SP140L: variants seen among roughly 807,000 people sequenced by gnomAD.
SP140L encodes nuclear body protein SP140-like protein.
In SP140L, 64 loss-of-function variants were observed where a neutral mutation model predicts 84.3. The ratio of observed to expected loss-of-function variants is 0.76; its 90% CI spans 0.62 to 0.94. The LOEUF (loss-of-function observed/expected upper bound fraction) is 0.94, where lower values mean the gene tolerates loss of function less well. SP140L is among the 40% of genes least tolerant of loss of function. The pLI is 0.00. For synonymous variants in SP140L, 242 were observed against 236.9 expected (o/e 1.02, Z -0.20); for missense variants, 628 against 692.5 (o/e 0.91, Z 1.05).
chr2:230,369,937 C>A (rs1309424452), intron 5 of SP140L, among the ~76,000 whole-genome samples: 3 of 151,784 alleles, frequency 2.0e-5, no homozygotes, highest in Non-Finnish European at 4.4e-5. Flanking sequence ...CCACACCCAG[C>A]TAATTTTTGT....
At position 230,400,110 on chromosome 2, in the gene SP140L, A is replaced by G. The variant is rs1559465511; in HGVS notation, c.1198-17A>G. The G allele has an allele frequency of 3.7e-6, 6 of 1,613,542 alleles. No homozygotes were observed. The highest frequency in any genetic ancestry group is 3.4e-4 in the Middle Eastern group (2 of 5,914). ...TCTTGTGATTCCCAGTGACGTGGAC[A>G]CTGTTTTACCTTCTAGATGAGAAAC... On this transcript the variant is annotated splice_polypyrimidine_tract_variant and intron_variant, in intron 14 of 18. Coordinates refer to ENST00000415673, the MANE Select transcript of SP140L (RefSeq NM_138402.6).
At chr2:230,373,301 G>T (rs976016976) in intron 7 of SP140L, among the ~76,000 whole-genome samples, 11 of 152,218 alleles carry the variant, frequency 7.2e-5, no homozygotes, top group Non-Finnish European at 1.2e-4. Flanking sequence ...ATTGAAAGAA[G>T]ATTCTGTCTA....
rs542489457 is a variant in SP140L at position 230,392,127 on chromosome 2, G to T, written c.1005G>T (p.Trp335Cys). 3 of 1,613,976 alleles carry T rather than the reference G, an allele frequency of 1.9e-6. No individual in the cohort carries two copies. The highest frequency in any genetic ancestry group is 2.7e-5 in the African/African-American group (2 of 75,010). The change falls in exon 12 of 19, where the codon TGG becomes TGT. Residue 335 changes from tryptophan (W) to cysteine (C), a missense_variant. Trp to Cys is a radical substitution (Grantham distance 215, BLOSUM62 -2). Around this residue, in one of 4 missense-constraint regions of SP140L, gnomAD observed 525 missense variants for 518.4 expected, o/e 1.01. Transcript: ENST00000415673. ...AKCIQTEDGK[W>C]FTPMEFEIKG... ...GTATACAGACTGAGGATGGAAAATG[G>T]TTCACCCCCATGGAATTTGAAATCA...
intron 2 of SP140L, among the ~76,000 whole-genome samples, chr2:230,329,987 T>C (rs972648376): frequency 2.0e-5 from 3 of 152,226 alleles, no homozygotes; most frequent in Admixed American, 6.5e-5. Context: ...TTTTGTGCAA[T>C]GTTAAGAACT....
Position 230,385,393 on chromosome 2 carries a change from C to G in SP140L, c.784+89C>G. The G allele has an allele frequency of 2.5e-6, 3 of 1,216,688 alleles. No individual in the cohort carries two copies. The South Asian group carries it at 4.2e-5, about 17-fold the overall frequency. The allele number at this position is 1,216,688 out of a possible 1,614,324, so 75.4% of individuals were successfully genotyped here. ...AGGAGCCTAGAAGCTTTATTGTTTA[C>G]TAGTCAAACTTAGTCAATTTCAGAG... On this transcript the variant is annotated intron_variant, in intron 9 of 18. Transcript: ENST00000415673.
intron 7 of SP140L, among the ~76,000 whole-genome samples, chr2:230,381,892 G>A (rs1461626906): frequency 6.6e-6 from 1 of 152,196 alleles, no homozygotes; most frequent in Non-Finnish European, 1.5e-5. Flanking sequence ...AATCCCCAGA[G>A]CACACAAGGT....
intron 5 of SP140L, among the ~76,000 whole-genome samples, chr2:230,367,192 T>C (rs9653380): frequency 0.27 from 40,760 of 152,022 alleles, 7,716 homozygotes; most frequent in East Asian, 0.6. Context: ...ATAGTTATAA[T>C]AGGCTGTTTT....
rs1267838121 is a variant in SP140L, at chr2:230,361,638, A to G, written c.464A>G (p.Gln155Arg). 14 of 1,561,622 alleles carry G rather than the reference A, an allele frequency of 9.0e-6. No homozygotes were observed. Among genetic ancestry groups the G allele is most frequent in the Admixed American group, 1.9e-5 (1 of 52,232 alleles). The change falls in exon 5 of 19, where the codon CAA (glutamine) becomes CGA (arginine). Residue 155 changes from glutamine (Q) to arginine (R), a missense_variant. Gln to Arg is a conservative substitution (Grantham distance 43). Coordinates refer to ENST00000415673, the MANE Select transcript of SP140L (RefSeq NM_138402.6). ...KNAIQDKLSF[Q>R]ESDRKEREER... is the part of the protein sequence containing the mutation. ...GCAATCCAAGACAAATTGTCTTTCCAAGAAAGTGATCGAAAAGAAAGGGAA... is the reference window on the plus strand; with the variant it reads ...GCAATCCAAGACAAATTGTCTTTCCGAGAAAGTGATCGAAAAGAAAGGGAA...
In SP140L at chr2:230,370,954, A is replaced by T; in HGVS notation, c.570A>T (p.Ala190=). The T allele has an allele frequency of 1.2e-6, 2 of 1,613,832 alleles. No individual in the cohort carries two copies. The highest frequency in any genetic ancestry group is 1.7e-6 in the Non-Finnish European group (2 of 1,179,852). The part of the protein sequence containing the change: ...SPEARKESDQ[A]CGKMDTVDIA... ...AAGCAAGGAAGGAAAGTGACCAAGC[A>T]TGTGGCAAAATGGGTAAGGCTGCCT... The change falls in exon 6 of 19, where the codon GCA becomes GCT. Residue 190 remains alanine (A), a synonymous_variant. Transcript: ENST00000415673.
intron 5 of SP140L, among the ~76,000 whole-genome samples, chr2:230,368,988 G>A (rs60642250): frequency 0.074 from 11,212 of 152,162 alleles, 700 homozygotes; most frequent in South Asian, 0.22. Context: ...AGATTATTGT[G>A]TCTTTTTGAT....
intron 2 of SP140L, among the ~76,000 whole-genome samples, chr2:230,354,910 A>AAGGAAG (rs2060492915): frequency 1.5e-5 from 2 of 136,824 alleles, no homozygotes; most frequent in East Asian, 5.2e-4. Context: ...AAGAGAAAGA[A>AAGGAAG]GAAAGAAAAA....
chr2:230,402,395 A>G (rs1010809661), intron 18 of SP140L, among the ~76,000 whole-genome samples: 4 of 152,362 alleles, frequency 2.6e-5, no homozygotes, highest in Admixed American at 1.3e-4. Flanking sequence ...CCCTGTTAAT[A>G]AGAAAGGATC....
At chr2:230,373,896 A>G (rs888141218) in intron 7 of SP140L, among the ~76,000 whole-genome samples, 1 of 152,242 alleles carries the variant, frequency 6.6e-6, no homozygotes, top group African/African-American at 2.4e-5. Flanking sequence ...TCATGAGAGG[A>G]GGTCAAAATA....
chr2:230,368,899 T>C (rs1344617797), intron 5 of SP140L, among the ~76,000 whole-genome samples: 1 of 152,230 alleles, frequency 6.6e-6, no homozygotes, highest in Non-Finnish European at 1.5e-5. Context: ...TGAAGTTTGC[T>C]GAGATTCCTT....
At chr2:230,395,447 G>A (rs774946664) in intron 13 of SP140L, among the ~76,000 whole-genome samples, 3 of 152,212 alleles carry the variant, frequency 2.0e-5, no homozygotes, top group Middle Eastern at 3.4e-3. Context: ...AGGCATTGTG[G>A]TGCATACCTG....
intron 7 of SP140L, among the ~76,000 whole-genome samples, chr2:230,377,796 C>T (rs553598873): frequency 6.6e-6 from 1 of 152,292 alleles, no homozygotes; most frequent in South Asian, 2.1e-4. Flanking sequence ...CACATACTCA[C>T]CAATACTTGA....
Position 230,354,517 on chromosome 2 carries a change from C to T in SP140L, c.108-3288C>T, listed in dbSNP as rs914923935. Reference sequence around the variant, plus strand: ...GCACAGTGGCTAACAGCTGTGATCCCAATTCTTTGGGAGGCCAAGGTGGGA... The same window carrying T: ...GCACAGTGGCTAACAGCTGTGATCCTAATTCTTTGGGAGGCCAAGGTGGGA... On this transcript the variant is annotated intron_variant, in intron 2 of 18. Coordinates refer to ENST00000415673, the MANE Select transcript of SP140L (RefSeq NM_138402.6). 4.6e-5 allele frequency among the ~76,000 whole-genome samples: 7 copies of T among 152,034 alleles called. 1 individual carries two copies. In the South Asian group the frequency reaches 1.2e-3, roughly 27 times the overall value.
At chr2:230,400,421 C>T (rs1294924984) in intron 15 of SP140L, 179 bp downstream of exon 15, 10 of 610,058 alleles carry the variant, frequency 1.6e-5, no homozygotes, top group Admixed American at 5.7e-5. Context: ...GAGGTAAATG[C>T]TCTCTGTGCT....
At chr2:230,362,876 A>G (rs2060760951) in intron 5 of SP140L, among the ~76,000 whole-genome samples, 2 of 150,626 alleles carry the variant, frequency 1.3e-5, no homozygotes, top group Non-Finnish European at 2.9e-5. Context: ...TTATGCAGAA[A>G]GAAAGATACA....
Sources: allele counts gnomAD v4.1 joint callset (sites outside exome capture counted in the v4.1 genomes callset), GRCh38; gene constraint gnomAD v4.1.1; regional missense constraint gnomAD v4.1.1; transcripts MANE v1.5; gene names NCBI Gene and HGNC (gene_info 2026-07-23, HGNC 2026-07-21).